The following TEC variants were observed in gnomAD, a reference collection of about 807,000 sequenced individuals.
TEC encodes the protein tec protein tyrosine kinase, also known as tyrosine-protein kinase Tec.
In TEC, 72 loss-of-function variants were observed where a neutral mutation model predicts 93.0. That is an observed-to-expected ratio of 0.77 (90% confidence interval 0.64 to 0.94). TEC has a LOEUF of 0.94. TEC is among the 40% of genes least tolerant of loss of function. The probability of loss-of-function intolerance (pLI) is 0.00; values close to 1 mark genes in which losing one functional copy is unlikely to be tolerated. For synonymous variants in TEC, 249 were observed against 247.7 expected, an observed-to-expected ratio of 1.01 and a Z score of -0.05; for missense variants, 630 against 757.9, an observed-to-expected ratio of 0.83 and a Z score of 1.98.
At chr4:48,196,081 G>T (rs1299785574) in intron 2 of TEC, among the ~76,000 whole-genome samples, 1 of 152,072 alleles carries the variant, frequency 6.6e-6, no homozygotes, top group Admixed American at 6.6e-5. Flanking sequence ...TTAACTTTAG[G>T]TATCAACTTG....
At chr4:48,193,597 GTTTT>G (rs1409315454) in intron 2 of TEC, among the ~76,000 whole-genome samples, 1 of 151,832 alleles carries the variant, frequency 6.6e-6, no homozygotes, top group Admixed American at 6.6e-5. Context: ...CTTTTGGCCT[GTTTT>G]TTTGTTTGTT....
chr4:48,180,896 C>A (rs913413305), intron 2 of TEC, among the ~76,000 whole-genome samples: 1 of 152,064 alleles, frequency 6.6e-6, no homozygotes, highest in Non-Finnish European at 1.5e-5. Context: ...TGGGCAACTG[C>A]CGTAATAGTT....
At chr4:48,186,127 G>A (rs11732808) in intron 2 of TEC, among the ~76,000 whole-genome samples, 10,712 of 152,300 alleles carry the variant, frequency 0.07, 509 homozygotes, top group South Asian at 0.13. Flanking sequence ...CCGAGGTGCC[G>A]GGATTGCAGA....
In TEC at chr4:48,150,874, G is replaced by T; in HGVS notation, c.861C>A (p.Thr287=). 1 of 1,533,030 alleles carries T rather than the reference G, an allele frequency of 6.5e-7. No homozygotes were observed. Among genetic ancestry groups the T allele is most frequent in the South Asian group, 1.4e-5 (1 of 73,428 alleles). The allele number at this position is 1,533,030 out of a possible 1,614,324, so 95.0% of individuals were successfully genotyped here. The change falls in exon 10 of 18, where the codon ACC becomes ACA. Residue 287 remains threonine (T), a synonymous_variant. Coordinates refer to ENST00000381501, the MANE Select transcript of TEC (RefSeq NM_003215.3). ...GCAGGATTACTCACCCTCCAAACTT[G>T]GTATAAAGGGAGACTGTGTACAAGC... ...QPGLYTVSLY[T]KFGGEGSSGF...
intron 7 of TEC, among the ~76,000 whole-genome samples, chr4:48,165,559 C>T (rs977837039): frequency 6.6e-6 from 1 of 152,054 alleles, no homozygotes; most frequent in Non-Finnish European, 1.5e-5. Context: ...GACACCTGAA[C>T]CACTAAGCAA....
intron 1 of TEC, among the ~76,000 whole-genome samples, chr4:48,246,025 C>G (rs904625555): frequency 1.1e-4 from 17 of 152,256 alleles, no homozygotes; most frequent in African/African-American, 3.6e-4. Context: ...ACAAGAATCA[C>G]TTGAACATGG....
chr4:48,227,307 A>G (rs1185105690), intron 2 of TEC, among the ~76,000 whole-genome samples: 1 of 152,080 alleles, frequency 6.6e-6, no homozygotes, highest in Non-Finnish European at 1.5e-5. Flanking sequence ...ATACAACTAA[A>G]TCAACGTCTG....
intron 10 of TEC, among the ~76,000 whole-genome samples, chr4:48,150,625 T>C (rs1188391282): frequency 6.6e-6 from 1 of 152,216 alleles, no homozygotes; most frequent in African/African-American, 2.4e-5. Context: ...TAAATGTTTG[T>C]TGAATGTTAC....
rs1235652727 is a variant in TEC, at chr4:48,200,700, G to A, written c.139-24514C>T. Among the ~76,000 whole-genome samples the A allele has an allele frequency of 2.0e-5, 3 of 152,330 alleles. No homozygotes were observed. The East Asian group carries it at 5.8e-4, about 29-fold the overall frequency. On this transcript the variant is annotated intron_variant, in intron 2 of 17. Transcript: ENST00000381501. Reference sequence around the variant, plus strand: ...TGAGATATTGGCAGAAGTCTTGTATGGAACATAAGGCAAAGCTGCTAAAGG... The same window carrying A: ...TGAGATATTGGCAGAAGTCTTGTATAGAACATAAGGCAAAGCTGCTAAAGG...
intron 1 of TEC, among the ~76,000 whole-genome samples, chr4:48,249,368 C>T (rs1195143400): frequency 6.6e-6 from 1 of 152,192 alleles, no homozygotes; most frequent in Non-Finnish European, 1.5e-5. Context: ...TGGTCTGTAT[C>T]TGTTAAATAT....
At chr4:48,204,419 G>A (rs374652951) in intron 2 of TEC, among the ~76,000 whole-genome samples, 2 of 152,174 alleles carry the variant, frequency 1.3e-5, no homozygotes, top group South Asian at 2.1e-4. Flanking sequence ...ACTCCACTGG[G>A]AGAGGACTCC....
chr4:48,220,765 A>C (rs1723234305), intron 2 of TEC, among the ~76,000 whole-genome samples: 1 of 152,210 alleles, frequency 6.6e-6, no homozygotes, highest in African/African-American at 2.4e-5. Flanking sequence ...TCTGACACCA[A>C]ATATGTGGCA....
chr4:48,204,546 T>A (rs556997370), intron 2 of TEC, among the ~76,000 whole-genome samples: 1 of 152,360 alleles, frequency 6.6e-6, no homozygotes, highest in South Asian at 2.1e-4. Context: ...TGAGTACAGC[T>A]ATTATCTAAG....
chr4:48,198,555 T>A (rs1219701852), intron 2 of TEC, among the ~76,000 whole-genome samples: 2 of 152,246 alleles, frequency 1.3e-5, no homozygotes, highest in African/African-American at 4.8e-5. Context: ...ACCAATTTAC[T>A]ACTCTTTGTC....
At chr4:48,197,450 T>C (rs1722338857) in intron 2 of TEC, among the ~76,000 whole-genome samples, 1 of 152,312 alleles carries the variant, frequency 6.6e-6, no homozygotes, top group South Asian at 2.1e-4. Flanking sequence ...AAAAATATGC[T>C]ACTTCGGCAT....
intron 1 of TEC, among the ~76,000 whole-genome samples, chr4:48,265,374 G>GATAT (rs769471632): frequency 1.4e-5 from 2 of 145,270 alleles, no homozygotes; most frequent in Admixed American, 1.4e-4. Context: ...CAATGAGATA[G>GATAT]ATATATATAT....
In TEC at chr4:48,238,687, T is replaced by TGTATATAAATTTATGTAAATTTATATAA. The variant is rs1560421751; in HGVS notation, c.-45-10029_-45-10028insTTATATAAATTTACATAAATTTATATAC. On this transcript the variant is annotated intron_variant, in intron 1 of 17. Transcript: ENST00000381501. ...ATATAAATTTATGTAAATTTATATA[T>TGTATATAAATTTATGTAAATTTATATAA]ATGTATATAAATTTATATATTTATA... is the stretch of plus-strand genomic sequence containing the variant. Among the ~76,000 whole-genome samples, 848 of 149,610 alleles carry TGTATATAAATTTATGTAAATTTATATAA rather than the reference T, an allele frequency of 5.7e-3. 11 individuals are homozygous for TGTATATAAATTTATGTAAATTTATATAA. The highest frequency in any genetic ancestry group is 0.019 in the African/African-American group (785 of 41,018).
intron 15 of TEC, 92 bp downstream of exon 15, chr4:48,141,263 T>C: frequency 9.0e-7 from 1 of 1,111,662 alleles, no homozygotes; most frequent in Non-Finnish European, 1.4e-6. Context: ...CAAGATTTCC[T>C]TTCTGCTTCA....
chr4:48,264,941 C>T (rs1025986814), intron 1 of TEC, among the ~76,000 whole-genome samples: 2 of 152,056 alleles, frequency 1.3e-5, no homozygotes, highest in Non-Finnish European at 2.9e-5. Flanking sequence ...GCCTGAACCC[C>T]AGACCTTCTG....
Sources: allele counts gnomAD v4.1 joint callset (sites outside exome capture counted in the v4.1 genomes callset), GRCh38; gene constraint gnomAD v4.1.1; transcripts MANE v1.5; gene names NCBI Gene and HGNC (gene_info 2026-07-23, HGNC 2026-07-21).